ABI2: variants seen among roughly 807,000 people sequenced by gnomAD.
ABI2 encodes abl interactor 2.
Under a neutral mutation model 59.2 loss-of-function variants are expected in ABI2, and 25 were observed. That is an observed-to-expected ratio of 0.42 (90% confidence interval 0.31 to 0.59). ABI2 has a LOEUF of 0.59. Among genes scored for constraint, ABI2 ranks in the 20% least tolerant of loss-of-function variants. The probability of loss-of-function intolerance (pLI) is 0.14; values close to 1 mark genes in which losing one functional copy is unlikely to be tolerated. For synonymous variants in ABI2, 213 were observed against 235.5 expected (o/e 0.90, Z 0.87); for missense variants, 545 against 681.8 (o/e 0.80, Z 2.23).
intron 8 of ABI2, among the ~76,000 whole-genome samples, chr2:203,399,059 C>A (rs2097117654): frequency 6.6e-6 from 1 of 151,850 alleles, no homozygotes; most frequent in African/African-American, 2.4e-5. Context: ...CAGGTAAATA[C>A]CTAGGGAATA....
intron 2 of ABI2, among the ~76,000 whole-genome samples, chr2:203,373,308 C>T (rs932501434): frequency 9.2e-5 from 14 of 151,744 alleles, no homozygotes; most frequent in South Asian, 2.1e-4. Context: ...CAAAAAAGTA[C>T]GAAAACCAGT....
rs1392630667 is a variant in ABI2 at position 203,427,475 on chromosome 2, T to A, written c.*123T>A. The A allele has an allele frequency of 4.3e-6, 4 of 931,870 alleles. No individual in the cohort carries two copies. Among genetic ancestry groups the A allele is most frequent in the Non-Finnish European group, 6.2e-6 (4 of 648,462 alleles). 57.7% of individuals were successfully genotyped at this position (931,870 alleles called of 1,614,324 possible). A position where few individuals can be genotyped will look rare whatever the true frequency, so the allele number is the denominator to read the frequency against. On this transcript the variant is annotated 3_prime_UTR_variant, in exon 12 of 12. Coordinates refer to ENST00000261018, the MANE Select transcript of ABI2 (RefSeq NM_001375670.1). ...ATACAAATGATAAAAATTACACTTTTTTTTTTGGTTTATTCCCCAGTATTA... is the reference window on the plus strand; with the variant it reads ...ATACAAATGATAAAAATTACACTTTATTTTTTGGTTTATTCCCCAGTATTA...
chr2:203,397,901 G>A (rs2097069867), intron 8 of ABI2, among the ~76,000 whole-genome samples: 1 of 152,090 alleles, frequency 6.6e-6, no homozygotes, highest in Non-Finnish European at 1.5e-5. Flanking sequence ...AGCTCCAAGG[G>A]GGATGGTGTT....
intron 4 of ABI2, chr2:203,386,466 TGGTCTTGC>T: frequency 8.3e-6 from 1 of 120,068 alleles, no homozygotes; most frequent in Non-Finnish European, 1.6e-5. Flanking sequence ...TGGAGAGACG[TGGTCTTGC>T]TGTGTTGCCC....
Position 203,383,121 on chromosome 2 carries a change from C to G in ABI2, c.480+915C>G, listed in dbSNP as rs544385640. 5.8e-5 allele frequency: 9 copies of G among 154,650 alleles called. No homozygotes were observed. In the South Asian group the frequency reaches 1.6e-3, roughly 28 times the overall value. 9.6% of individuals were successfully genotyped at this position (154,650 alleles called of 1,614,324 possible). ...ATAGTTTATTTTCAAATATATATTC[C>G]TCCCATCTAATACCCATTATTTGCC... is the stretch of plus-strand genomic sequence containing the variant. On this transcript the variant is annotated intron_variant, in intron 4 of 11. Coordinates refer to ENST00000261018, the MANE Select transcript of ABI2 (RefSeq NM_001375670.1).
At position 203,427,121 on chromosome 2, in the gene ABI2, G is replaced by A; in HGVS notation, c.1454-56G>A. The stretch of plus-strand genomic sequence containing the variant: ...GATAGCTATTCACTGGCTTGGTTCT[G>A]TCTTTCTAGGAATATTACTGTCTTT... On this transcript the variant is annotated intron_variant, in intron 11 of 11. Transcript: ENST00000261018. 9 of 1,519,438 alleles carry A rather than the reference G, an allele frequency of 5.9e-6. 1 individual carries two copies. In the Middle Eastern group the frequency reaches 1.2e-3, roughly 204 times the overall value. The allele number at this position is 1,519,438 out of a possible 1,614,324, so 94.1% of individuals were successfully genotyped here.
At chr2:203,394,621 C>CTCAACTTGTATCTCAAATTGTA (rs2096899617) in intron 5 of ABI2, 79 bp from the exon 6 acceptor site, 1 of 1,403,810 alleles carries the variant, frequency 7.1e-7, no homozygotes, top group Non-Finnish European at 9.8e-7. Flanking sequence ...CAAATTGTAT[C>CTCAACTTGTATCTCAAATTGTA]TCAACTGCTG....
intron 1 of ABI2, among the ~76,000 whole-genome samples, chr2:203,353,524 G>T (rs2090171536): frequency 6.6e-6 from 1 of 152,150 alleles, no homozygotes; most frequent in African/African-American, 2.4e-5. Context: ...CTGTCGCCCA[G>T]ACTGGAGTGC....
At chr2:203,380,652 G>A (rs1173356552) in intron 3 of ABI2, among the ~76,000 whole-genome samples, 1 of 151,916 alleles carries the variant, frequency 6.6e-6, no homozygotes, top group Non-Finnish European at 1.5e-5. Context: ...AATAAGTGTC[G>A]TGTAATCTTT....
chr2:203,363,704 G>A (rs1247949735), intron 1 of ABI2, among the ~76,000 whole-genome samples: 2 of 152,162 alleles, frequency 1.3e-5, no homozygotes, highest in Admixed American at 6.6e-5. Flanking sequence ...GCAAATGACT[G>A]AATCTCATTA....
chr2:203,368,909 T>C (rs769272336), intron 2 of ABI2, among the ~76,000 whole-genome samples: 1 of 150,970 alleles, frequency 6.6e-6, no homozygotes, highest in Non-Finnish European at 1.5e-5. Flanking sequence ...CTCGAACTCC[T>C]GGGCTCAAGG....
chr2:203,390,448 A>G (rs1271139903), intron 4 of ABI2, among the ~76,000 whole-genome samples: 4 of 152,164 alleles, frequency 2.6e-5, no homozygotes, highest in African/African-American at 4.8e-5. Context: ...CCTGGGCAAC[A>G]CGGTGAAACC....
chr2:203,396,368 T>TA (rs534506187), intron 7 of ABI2, among the ~76,000 whole-genome samples: 10 of 152,252 alleles, frequency 6.6e-5, no homozygotes, highest in African/African-American at 2.2e-4. Flanking sequence ...ATTTGTGTTT[T>TA]AAAAAAAATT....
In ABI2 at chr2:203,392,310, ACC is replaced by A. The variant is rs1559312968; in HGVS notation, c.578+1168_578+1169del. Among the ~76,000 whole-genome samples, 165 of 74,212 alleles carry A rather than the reference ACC, an allele frequency of 2.2e-3. 1 individual carries two copies. The East Asian group carries it at 0.023, about 10-fold the overall frequency. The allele number at this position is 74,212 out of a possible 152,430, so 48.7% of individuals were successfully genotyped here. A position where few individuals can be genotyped will look rare whatever the true frequency, so the allele number is the denominator to read the frequency against. Reference sequence around the variant, plus strand: ...CACCACCACCACCACCACCACCACCACCACCAACAACAACAACAACAACAACA... The same window carrying A: ...CACCACCACCACCACCACCACCACCAACCAACAACAACAACAACAACAACA... On this transcript the variant is annotated intron_variant, in intron 5 of 11. Transcript: ENST00000261018.
chr2:203,392,955 G>A (rs184502921), intron 5 of ABI2, among the ~76,000 whole-genome samples: 121 of 136,122 alleles, frequency 8.9e-4, no homozygotes, highest in African/African-American at 3.0e-3. Context: ...ACCACATTTT[G>A]TTCCTTTGCT....
At chr2:203,425,286 C>T (rs1053670319) in intron 11 of ABI2, among the ~76,000 whole-genome samples, 2 of 151,932 alleles carry the variant, frequency 1.3e-5, no homozygotes, top group African/African-American at 2.4e-5. Flanking sequence ...GGAAGTGTTG[C>T]GATCTCAGCT....
chr2:203,376,925 A>G (rs1272192979), intron 2 of ABI2, among the ~76,000 whole-genome samples: 1 of 152,066 alleles, frequency 6.6e-6, no homozygotes, highest in African/African-American at 2.4e-5. Flanking sequence ...AATTTTTCAA[A>G]CAAGAAATAT....
chr2:203,376,166 G>T lies in ABI2; in HGVS notation c.286-4042G>T, dbSNP rs1470172499. 7 of 1,472,110 alleles carry T rather than the reference G, an allele frequency of 4.8e-6. No homozygotes were observed. The Admixed American group carries it at 1.5e-4, about 32-fold the overall frequency. 91.2% of individuals were successfully genotyped at this position (1,472,110 alleles called of 1,614,324 possible). On this transcript the variant is annotated intron_variant, in intron 2 of 11. Coordinates refer to ENST00000261018, the MANE Select transcript of ABI2 (RefSeq NM_001375670.1). ...CCAGCTAATTAGTCCTTCCTCTATA[G>T]ATCTTTGGTTCTCAACCAGGGAAGT...
intron 4 of ABI2, 42 bp downstream of exon 4, chr2:203,382,248 G>A: frequency 6.7e-7 from 1 of 1,496,264 alleles, no homozygotes; most frequent in Non-Finnish European, 9.0e-7. Flanking sequence ...TTGTTCTTAT[G>A]TAGAATATTA....
Sources: allele counts gnomAD v4.1 joint callset (sites outside exome capture counted in the v4.1 genomes callset), GRCh38; gene constraint gnomAD v4.1.1; transcripts MANE v1.5; gene names NCBI Gene and HGNC (gene_info 2026-07-23, HGNC 2026-07-21).